The following SLC9A9 variants were observed in gnomAD, a reference collection of about 807,000 sequenced individuals.
SLC9A9 encodes solute carrier family 9 member A9.
In SLC9A9, 62 loss-of-function variants were observed where a neutral mutation model predicts 77.8. The ratio of observed to expected loss-of-function variants is 0.80; its 90% CI spans 0.65 to 0.98. The LOEUF is 0.98. Among genes scored for constraint, SLC9A9 ranks in the 50% least tolerant of loss-of-function variants. The pLI, the probability that SLC9A9 is intolerant of heterozygous loss-of-function variation, is 0.00. For missense variants in SLC9A9, 775 were observed against 774.9 expected (o/e 1.00, Z 0.00); for synonymous variants, 320 against 283.5 (o/e 1.13, Z -1.29).
At chr3:143,370,567 G>GCA (rs57705324) in intron 13 of SLC9A9, among the ~76,000 whole-genome samples, 4,750 of 143,352 alleles carry the variant, frequency 0.033, 91 homozygotes, top group East Asian at 0.096. Flanking sequence ...GCATGTGCGC[G>GCA]CACACACACA....
At chr3:143,629,034 A>G (rs530570288) in intron 6 of SLC9A9, among the ~76,000 whole-genome samples, 1 of 152,338 alleles carries the variant, frequency 6.6e-6, no homozygotes, top group South Asian at 2.1e-4. Context: ...GGGGTAAATT[A>G]TGACCATCTC....
chr3:143,749,393 C>A (rs1400584107), intron 4 of SLC9A9, among the ~76,000 whole-genome samples: 1 of 152,130 alleles, frequency 6.6e-6, no homozygotes, highest in East Asian at 1.9e-4. Flanking sequence ...GAGCCACAAC[C>A]CACTGGAAAA....
intron 12 of SLC9A9, among the ~76,000 whole-genome samples, chr3:143,417,377 A>C (rs2034214162): frequency 6.6e-6 from 1 of 151,866 alleles, no homozygotes; most frequent in Non-Finnish European, 1.5e-5. Context: ...TAGAACTTTT[A>C]GGACACAGTT....
At chr3:143,778,931 C>T (rs1049602653) in intron 4 of SLC9A9, among the ~76,000 whole-genome samples, 27 of 152,186 alleles carry the variant, frequency 1.8e-4, no homozygotes, top group Non-Finnish European at 5.9e-5. Context: ...AGATTACCCA[C>T]ATTCAATTCT....
chr3:143,612,314 G>A (rs2038035902), intron 6 of SLC9A9, among the ~76,000 whole-genome samples: 1 of 152,184 alleles, frequency 6.6e-6, no homozygotes, highest in African/African-American at 2.4e-5. Context: ...GAACTTTCAT[G>A]AGTGCAACCC....
At position 143,266,923 on chromosome 3, in the gene SLC9A9, G is replaced by A. The variant is rs750479514; in HGVS notation, c.1717C>T (p.Leu573=). Residue 573 remains leucine (L), a synonymous_variant, in exon 16 of 16, where the codon CTA becomes TTA. Coordinates refer to ENST00000316549, the MANE Select transcript of SLC9A9 (RefSeq NM_173653.4). The part of the protein sequence containing the change: ...LTSPQAYGEQ[L]KEDDVECIVN... ...ATGCATTCCACATCATCCTCTTTTA[G>A]CTGTTCCTGGTTGGGAAAAGAGAGA... 5.6e-6 allele frequency: 9 copies of A among 1,613,692 alleles called. No individual in the cohort carries two copies. The highest frequency in any genetic ancestry group is 5.9e-6 in the Non-Finnish European group (7 of 1,179,830).
intron 2 of SLC9A9, among the ~76,000 whole-genome samples, chr3:143,820,676 A>G (rs1211005232): frequency 6.6e-6 from 1 of 152,218 alleles, no homozygotes; most frequent in East Asian, 1.9e-4. Flanking sequence ...TAACAGGTGC[A>G]AGTGAGAAGA....
chr3:143,325,444 G>T (rs1479940219), intron 14 of SLC9A9, among the ~76,000 whole-genome samples: 2 of 152,208 alleles, frequency 1.3e-5, no homozygotes, highest in Non-Finnish European at 2.9e-5. Context: ...TCAGTTCAGA[G>T]TTCACTGTCA....
At chr3:143,289,880 C>T (rs1411051383) in intron 14 of SLC9A9, among the ~76,000 whole-genome samples, 1 of 152,158 alleles carries the variant, frequency 6.6e-6, no homozygotes, top group African/African-American at 2.4e-5. Context: ...CTTACAACAC[C>T]ATCAAAAGCT....
chr3:143,822,732 G>A (rs1576752696), intron 2 of SLC9A9, among the ~76,000 whole-genome samples: 1 of 152,210 alleles, frequency 6.6e-6, no homozygotes, highest in East Asian at 1.9e-4. Flanking sequence ...AAGGAACAAA[G>A]CAATGGGGAA....
intron 4 of SLC9A9, among the ~76,000 whole-genome samples, chr3:143,766,144 A>T (rs1380150641): frequency 6.6e-6 from 1 of 152,210 alleles, no homozygotes; most frequent in African/African-American, 2.4e-5. Flanking sequence ...GTCAAGAAGC[A>T]TTATTGAGGC....
intron 14 of SLC9A9, among the ~76,000 whole-genome samples, chr3:143,287,624 T>C (rs574176932): frequency 2.0e-5 from 3 of 152,318 alleles, no homozygotes; most frequent in Admixed American, 6.5e-5. Context: ...ACTGTTCCCT[T>C]AGGGTTTGGA....
chr3:143,783,034 T>C (rs536824820), intron 4 of SLC9A9, among the ~76,000 whole-genome samples: 48 of 152,292 alleles, frequency 3.2e-4, no homozygotes, highest in African/African-American at 1.1e-3. Flanking sequence ...CAAACTTTCA[T>C]AACCTCCTAA....
intron 12 of SLC9A9, among the ~76,000 whole-genome samples, chr3:143,393,922 A>T (rs2033633268): frequency 6.6e-6 from 1 of 152,092 alleles, no homozygotes; most frequent in Non-Finnish European, 1.5e-5. Flanking sequence ...ATCTCTGAAT[A>T]GACCAATATG....
chr3:143,493,767 G>C lies in SLC9A9; in HGVS notation c.1204-3C>G. ...GCTCTGGCAACAAAAATTGCTAGCT[G>C]TAGATAAGCACAGGGAAACATTGAG... On this transcript the variant is annotated splice_region_variant and splice_polypyrimidine_tract_variant and intron_variant, in intron 10 of 15. Coordinates refer to ENST00000316549, the MANE Select transcript of SLC9A9 (RefSeq NM_173653.4). 1 of 1,598,750 alleles carries C rather than the reference G, an allele frequency of 6.3e-7. No individual in the cohort carries two copies. The highest frequency in any genetic ancestry group is 8.6e-7 in the Non-Finnish European group (1 of 1,166,050).
chr3:143,389,116 G>T (rs2033494697), intron 12 of SLC9A9, among the ~76,000 whole-genome samples: 1 of 152,216 alleles, frequency 6.6e-6, no homozygotes, highest in Admixed American at 6.5e-5. Flanking sequence ...GCCAAATTAT[G>T]AAGAATCTTG....
chr3:143,407,005 AAAG>A (rs1459910434), intron 12 of SLC9A9, among the ~76,000 whole-genome samples: 1 of 151,820 alleles, frequency 6.6e-6, no homozygotes, highest in Admixed American at 6.6e-5. Flanking sequence ...AAGAAAAAGA[AAAG>A]AAAAAATACC....
At chr3:143,811,600 C>T (rs947854295) in intron 2 of SLC9A9, 5 of 444,882 alleles carry the variant, frequency 1.1e-5, no homozygotes, top group South Asian at 3.2e-5. Context: ...AATCCCAGTA[C>T]TTTGGGAGGC....
intron 12 of SLC9A9, among the ~76,000 whole-genome samples, chr3:143,428,708 C>G (rs1185356173): frequency 7.1e-6 from 1 of 140,064 alleles, no homozygotes; most frequent in Non-Finnish European, 1.6e-5. Flanking sequence ...TGAATGAAGA[C>G]AGACACATAC....
Sources: allele counts gnomAD v4.1 joint callset (sites outside exome capture counted in the v4.1 genomes callset), GRCh38; gene constraint gnomAD v4.1.1; transcripts MANE v1.5; gene names NCBI Gene and HGNC (gene_info 2026-07-23, HGNC 2026-07-21).